The following LEPR variants were observed in gnomAD, a reference collection of about 807,000 sequenced individuals.
LEPR encodes the protein leptin receptor, also known as OB receptor.
In LEPR, 56 loss-of-function variants were observed where a neutral mutation model predicts 114.7. That is an observed-to-expected ratio of 0.49 (90% CI 0.39 to 0.61). LEPR has a LOEUF of 0.61. LEPR is among the 20% of genes least tolerant of loss of function. The pLI is 0.00. For missense variants in LEPR, 1,202 were observed against 1,352.9 expected (o/e 0.89, Z 1.75); for synonymous variants, 443 against 461.4 (o/e 0.96, Z 0.51).
At chr1:65,629,647 T>C (rs1223754525) in intron 19 of LEPR, among the ~76,000 whole-genome samples, 1 of 151,988 alleles carries the variant, frequency 6.6e-6, no homozygotes, top group Non-Finnish European at 1.5e-5. Flanking sequence ...CCCTCCATTC[T>C]TTCATCCATT....
At chr1:65,490,924 T>C (rs1647834980) in intron 2 of LEPR, among the ~76,000 whole-genome samples, 1 of 152,130 alleles carries the variant, frequency 6.6e-6, no homozygotes, top group Non-Finnish European at 1.5e-5. Context: ...TTCAGAAGTG[T>C]AAACAACTTA....
chr1:65,492,001 C>T (rs1479087010), intron 2 of LEPR, among the ~76,000 whole-genome samples: 2 of 152,028 alleles, frequency 1.3e-5, no homozygotes, highest in Non-Finnish European at 2.9e-5. Context: ...CTGTTTCTAC[C>T]CATTCCAAAA....
intron 2 of LEPR, among the ~76,000 whole-genome samples, chr1:65,461,354 G>T (rs148842511): frequency 1.3e-5 from 2 of 152,100 alleles, no homozygotes; most frequent in African/African-American, 4.8e-5. Context: ...TAGCACTGGG[G>T]CAGGAAATAC....
chr1:65,615,241 C>T (rs1413805517), intron 14 of LEPR, among the ~76,000 whole-genome samples: 1 of 152,118 alleles, frequency 6.6e-6, no homozygotes, highest in Non-Finnish European at 1.5e-5. Context: ...TACAGTCCAG[C>T]CTTCTCTGTC....
intron 15 of LEPR, 133 bp from the exon 16 acceptor site, chr1:65,617,831 T>C (rs967064725): frequency 3.6e-6 from 3 of 835,254 alleles, no homozygotes; most frequent in Non-Finnish European, 5.3e-6. Context: ...AATTGTCATG[T>C]ATCATATTTA....
chr1:65,590,501 C>A (rs1424544274), intron 5 of LEPR, among the ~76,000 whole-genome samples: 2 of 151,404 alleles, frequency 1.3e-5, no homozygotes, highest in Middle Eastern at 3.2e-3. Context: ...GCGGTTACCT[C>A]CATGATAATG....
At chr1:65,476,588 A>G (rs1647162654) in intron 2 of LEPR, among the ~76,000 whole-genome samples, 1 of 151,960 alleles carries the variant, frequency 6.6e-6, no homozygotes, top group Non-Finnish European at 1.5e-5. Context: ...TCCTTTACCC[A>G]TTTCTTTTTC....
rs1456986798 is a variant in LEPR at position 65,639,359 on chromosome 1, T to G, written c.*2344T>G. 1 of 152,226 alleles carries G rather than the reference T, an allele frequency of 6.6e-6. No homozygotes were observed. The highest frequency in any genetic ancestry group is 2.4e-5 in the African/African-American group (1 of 41,470). The allele number at this position is 152,226 out of a possible 1,614,324, so 9.4% of individuals were successfully genotyped here. The stretch of plus-strand genomic sequence containing the variant: ...TTTCATGGACAGTGCTGAACAAGTA[T>G]AGTTTGGCCTATTGGTATGTATAGA... On this transcript the variant is annotated 3_prime_UTR_variant, in exon 20 of 20. Coordinates refer to ENST00000349533, the MANE Select transcript of LEPR (RefSeq NM_002303.6).
intron 2 of LEPR, among the ~76,000 whole-genome samples, chr1:65,522,551 G>A (rs1162580975): frequency 5.9e-5 from 9 of 152,062 alleles, no homozygotes; most frequent in Non-Finnish European, 1.5e-5. Flanking sequence ...CAGTTGAGCC[G>A]GAAAGAAAAC....
Position 65,570,527 on chromosome 1 carries a change from G to T in LEPR, c.95G>T (p.Arg32Ile), listed in dbSNP as rs1360127522. The part of the protein sequence containing the change: ...FNLSYPITPW[R>I]FKLSCMPPNS... ...TTGTCATATCCAATTACTCCTTGGA[G>T]ATTTAAGTTGTCTTGCATGCCACCA... The change falls in exon 4 of 20, where the codon AGA (arginine) becomes ATA (isoleucine). Residue 32 changes from arginine to isoleucine, a missense_variant. By Grantham distance (97) the Arg-to-Ile change is moderately conservative. Transcript: ENST00000349533. The T allele has an allele frequency of 6.2e-7, 1 of 1,613,926 alleles. No individual in the cohort carries two copies. The highest frequency in any genetic ancestry group is 1.7e-5 in the Admixed American group (1 of 60,024).
Position 65,610,043 on chromosome 1 carries a change from G to A in LEPR, c.1849G>A (p.Asp617Asn). The change falls in exon 13 of 20, where the codon GAT becomes AAT. Residue 617 changes from aspartate to asparagine, a missense_variant. Coordinates refer to ENST00000349533, the MANE Select transcript of LEPR (RefSeq NM_002303.6). Reference sequence around the variant, plus strand: ...TGTTCAGGTGCGCTGTAAGAGGCTAGATGGACTGGGATATTGGAGTAATTG... The same window carrying A: ...TGTTCAGGTGCGCTGTAAGAGGCTAAATGGACTGGGATATTGGAGTAATTG... Reference protein sequence around the residue: ...YAVQVRCKRLDGLGYWSNWSN... With the variant: ...YAVQVRCKRLNGLGYWSNWSN... The A allele has an allele frequency of 6.2e-7, 1 of 1,614,224 alleles. No individual in the cohort carries two copies. Among genetic ancestry groups the A allele is most frequent in the Non-Finnish European group, 8.5e-7 (1 of 1,180,032 alleles).
At chr1:65,565,455 A>T in intron 2 of LEPR, 91 bp from the exon 3 acceptor site, 1 of 1,240,290 alleles carries the variant, frequency 8.1e-7, no homozygotes, top group East Asian at 2.4e-5. Context: ...ACTTATCTAT[A>T]ATCCCTTTCC....
chr1:65,557,718 C>A (rs1009325380), intron 2 of LEPR, among the ~76,000 whole-genome samples: 2 of 152,166 alleles, frequency 1.3e-5, no homozygotes, highest in Non-Finnish European at 2.9e-5. Flanking sequence ...CTGCACCCAG[C>A]CTCTTTTTCT....
chr1:65,625,620 G>T (rs182554939), intron 19 of LEPR, among the ~76,000 whole-genome samples: 1 of 152,064 alleles, frequency 6.6e-6, no homozygotes, highest in Non-Finnish European at 1.5e-5. Context: ...TGTGCTGAGC[G>T]CTTATAATGT....
At chr1:65,525,952 C>T in intron 2 of LEPR, 2 of 813,152 alleles carry the variant, frequency 2.5e-6, no homozygotes, top group South Asian at 5.6e-5. Flanking sequence ...GAGTCCGGGG[C>T]AGCTTAGCGG....
chr1:65,453,687 G>T (rs1201142435), intron 2 of LEPR, among the ~76,000 whole-genome samples: 1 of 152,152 alleles, frequency 6.6e-6, no homozygotes, highest in Non-Finnish European at 1.5e-5. Context: ...GCTGAGGAGA[G>T]CTTTACTTCC....
At chr1:65,620,132 CAA>C in intron 17 of LEPR, 109 bp downstream of exon 17, 1 of 868,720 alleles carries the variant, frequency 1.2e-6, no homozygotes, top group Non-Finnish European at 1.8e-6. Flanking sequence ...TGGAAGAGTC[CAA>C]AGTCTTCTGT....
rs1346890714 is a variant in LEPR, at chr1:65,636,389, C to A, written c.2872C>A (p.Gln958Lys). The stretch of plus-strand genomic sequence containing the variant: ...AAAGGGTTCTGTTTGTATTAGTGAC[C>A]AGTTCAACAGTGTTAACTTCTCTGA... ...LEKGSVCISD[Q>K]FNSVNFSEAE... The change falls in exon 20 of 20, where the codon CAG (glutamine) becomes AAG (lysine). Residue 958 changes from glutamine (Q) to lysine (K), a missense_variant. Coordinates refer to ENST00000349533, the MANE Select transcript of LEPR (RefSeq NM_002303.6). 1 of 1,614,036 alleles carries A rather than the reference C, an allele frequency of 6.2e-7. No individual in the cohort carries two copies. The highest frequency in any genetic ancestry group is 1.1e-5 in the South Asian group (1 of 91,064).
intron 2 of LEPR, among the ~76,000 whole-genome samples, chr1:65,460,426 T>C (rs1222542121): frequency 6.6e-6 from 1 of 152,210 alleles, no homozygotes; most frequent in East Asian, 1.9e-4. Context: ...GAGCTTTTGT[T>C]ATCTCATTAC....
Sources: gnomAD v4.1 joint callset for allele counts (sites outside exome capture counted in the v4.1 genomes callset) on GRCh38, gnomAD v4.1.1 for gene constraint, MANE v1.5 for transcripts, NCBI Gene and HGNC (gene_info 2026-07-23, HGNC 2026-07-21) for gene names.